PDE8A: variants seen among roughly 807,000 people sequenced by gnomAD.
The protein encoded by PDE8A is high affinity cAMP-specific and IBMX-insensitive 3',5'-cyclic phosphodiesterase 8A.
A neutral mutation model predicts 105.0 loss-of-function variants in PDE8A; 59 were observed. The ratio of observed to expected loss-of-function variants is 0.56; its 90% CI spans 0.46 to 0.70. The LOEUF is 0.70. Ranked by LOEUF, PDE8A falls within the 30% of genes least tolerant of loss-of-function variation. PDE8A has a pLI of 0.00. For synonymous variants in PDE8A, 355 were observed against 371.9 expected (o/e 0.95, Z 0.52); for missense variants, 1,014 against 1,045.9 (o/e 0.97, Z 0.42).
chr15:85,054,667 T>G (rs2081031733), intron 1 of PDE8A, among the ~76,000 whole-genome samples: 1 of 152,162 alleles, frequency 6.6e-6, no homozygotes, highest in South Asian at 2.1e-4. Flanking sequence ...TTATATTCCC[T>G]TCATCATTTT....
At chr15:85,072,446 A>G (rs2081325349) in intron 3 of PDE8A, among the ~76,000 whole-genome samples, 1 of 152,184 alleles carries the variant, frequency 6.6e-6, no homozygotes, top group South Asian at 2.1e-4. Context: ...GCATATGGCT[A>G]CCTAGAAAAT....
chr15:85,133,951 G>T (rs80148329), intron 20 of PDE8A, among the ~76,000 whole-genome samples: 2 of 152,082 alleles, frequency 1.3e-5, no homozygotes, highest in African/African-American at 4.8e-5. Flanking sequence ...TTTTATTTTC[G>T]CTTGGGGCAC....
chr15:85,117,883 G>A (rs764156440), intron 17 of PDE8A, 44 bp downstream of exon 17: 171 of 1,454,680 alleles, frequency 1.2e-4, no homozygotes, highest in Non-Finnish European at 1.4e-4. Context: ...CAGGAGCAGT[G>A]GGGAGAGTCT....
chr15:85,037,065 A>T (rs2080719298), intron 1 of PDE8A, among the ~76,000 whole-genome samples: 1 of 141,474 alleles, frequency 7.1e-6, no homozygotes, highest in Admixed American at 7.1e-5. Context: ...TACTGGACTA[A>T]TTTTTTTTTT....
At chr15:84,981,831 C>T (rs935873499), upstream of PDE8A, 1 of 169,856 alleles carries the variant, frequency 5.9e-6, no homozygotes, top group African/African-American at 2.4e-5. Flanking sequence ...GAGCGCAAAT[C>T]TCCTCCCCCT....
At chr15:85,121,278 C>T (rs1395581886) in intron 18 of PDE8A, among the ~76,000 whole-genome samples, 1 of 151,620 alleles carries the variant, frequency 6.6e-6, no homozygotes, top group African/African-American at 2.4e-5. Context: ...ATTAGCCAGG[C>T]TCGGTGGTTG....
chr15:85,021,255 G>T (rs1159441625), intron 1 of PDE8A, among the ~76,000 whole-genome samples: 1 of 152,126 alleles, frequency 6.6e-6, no homozygotes, highest in Non-Finnish European at 1.5e-5. Context: ...TTTATAAATT[G>T]TCCAAGCCTG....
At chr15:85,122,496 A>G (rs931938990) in intron 18 of PDE8A, among the ~76,000 whole-genome samples, 1 of 152,224 alleles carries the variant, frequency 6.6e-6, no homozygotes, top group Admixed American at 6.5e-5. Context: ...ATCAATGGAA[A>G]ACTACATGAG....
intron 12 of PDE8A, among the ~76,000 whole-genome samples, chr15:85,110,724 A>T (rs1321862120): frequency 6.6e-6 from 1 of 152,226 alleles, no homozygotes; most frequent in Non-Finnish European, 1.5e-5. Flanking sequence ...AAGAATAAGA[A>T]TGCCATGAAC....
At chr15:85,063,612 T>G (rs2081179034) in intron 1 of PDE8A, 1 of 152,220 alleles carries the variant, frequency 6.6e-6, no homozygotes, top group African/African-American at 2.4e-5. Flanking sequence ...CACTACCACT[T>G]GCTGTGTGGT....
chr15:85,044,745 T>C lies in PDE8A; in HGVS notation c.187-19625T>C, dbSNP rs115497900. On this transcript the variant is annotated intron_variant, in intron 1 of 21. Coordinates refer to ENST00000394553, the MANE Select transcript of PDE8A (RefSeq NM_002605.3). ...TTGGACTACTGCAGAAGCTTCCTTATTGGCCTTGCCTCTACTCTCATCCTC... is the reference window on the plus strand; with the variant it reads ...TTGGACTACTGCAGAAGCTTCCTTACTGGCCTTGCCTCTACTCTCATCCTC... 1.4e-3 allele frequency among the ~76,000 whole-genome samples: 207 copies of C among 152,368 alleles called. 1 individual carries two copies. Among genetic ancestry groups the C allele is most frequent in the African/African-American group, 4.7e-3 (196 of 41,588 alleles).
At chr15:85,060,725 A>T (rs913432204) in intron 1 of PDE8A, among the ~76,000 whole-genome samples, 2 of 152,222 alleles carry the variant, frequency 1.3e-5, no homozygotes, top group Non-Finnish European at 2.9e-5. Flanking sequence ...AGTTACCCAC[A>T]AAAGTTACAA....
At chr15:85,077,889 A>T (rs2081402357) in intron 5 of PDE8A, among the ~76,000 whole-genome samples, 1 of 152,134 alleles carries the variant, frequency 6.6e-6, no homozygotes, top group Non-Finnish European at 1.5e-5. Context: ...TTAGTAAGTC[A>T]CATGTAGCAC....
In PDE8A at chr15:85,120,806, G is replaced by T. The variant is rs1385027911; in HGVS notation, c.1744G>T (p.Asp582Tyr). 6.2e-7 allele frequency: 1 copy of T among 1,603,048 alleles called. No homozygotes were observed. Among genetic ancestry groups the T allele is most frequent in the South Asian group, 1.1e-5 (1 of 89,104 alleles). The change falls in exon 18 of 22, where the codon GAT (aspartate) becomes TAT (tyrosine). Residue 582 changes from aspartate (D) to tyrosine (Y), a missense_variant. Transcript: ENST00000394553. Reference sequence around the variant, plus strand: ...GCTCTCTTGTTTTCAGGAAACTTTAGATCCAATTGATGAGGTCGCTGCACT... The same window carrying T: ...GCTCTCTTGTTTTCAGGAAACTTTATATCCAATTGATGAGGTCGCTGCACT... ...LSKERIKETLDPIDEVAALIA... is the reference protein window; with the variant it reads ...LSKERIKETLYPIDEVAALIA...
At chr15:85,005,238 C>T (rs1462351453) in intron 1 of PDE8A, among the ~76,000 whole-genome samples, 3 of 152,140 alleles carry the variant, frequency 2.0e-5, no homozygotes, top group African/African-American at 7.2e-5. Flanking sequence ...CCTCAGCCCC[C>T]TGAGTAGCTG....
chr15:85,090,744 C>T (rs536678525), intron 7 of PDE8A: 2 of 462,404 alleles, frequency 4.3e-6, no homozygotes, highest in Non-Finnish European at 8.6e-6. Context: ...CCTGGTTTGG[C>T]GCTGTGCACA....
chr15:85,083,693 G>T (rs780673546), intron 6 of PDE8A, 49 bp downstream of exon 6: 2 of 1,175,638 alleles, frequency 1.7e-6, no homozygotes, highest in Admixed American at 3.5e-5. Flanking sequence ...AGGGCAGCAT[G>T]GCAAGTGAGA....
chr15:85,022,588 G>A (rs903914049), intron 1 of PDE8A, among the ~76,000 whole-genome samples: 3 of 147,458 alleles, frequency 2.0e-5, no homozygotes, highest in Admixed American at 6.8e-5. Context: ...CACCCCTGTC[G>A]CCCAGGCTGG....
At chr15:85,114,873 AG>A (rs1228851863) in intron 14 of PDE8A, among the ~76,000 whole-genome samples, 2 of 152,082 alleles carry the variant, frequency 1.3e-5, no homozygotes. Context: ...CGAGCAGATG[AG>A]AATAGCCACA....
Sources: gnomAD v4.1 joint callset for allele counts (sites outside exome capture counted in the v4.1 genomes callset) on GRCh38, gnomAD v4.1.1 for gene constraint, MANE v1.5 for transcripts, NCBI Gene and HGNC (gene_info 2026-07-23, HGNC 2026-07-21) for gene names.